MNS1: variants seen among roughly 807,000 people sequenced by gnomAD.
MNS1 encodes the protein meiosis specific nuclear structural 1.
In MNS1, 63 loss-of-function variants were observed where a neutral mutation model predicts 72.0. The ratio of observed to expected loss-of-function variants is 0.87; its 90% confidence interval spans 0.71 to 1.08. The LOEUF (loss-of-function observed/expected upper bound fraction) is 1.08. Ranked by LOEUF, MNS1 falls within the 50% of genes least tolerant of loss-of-function variation. The pLI, the probability that MNS1 is intolerant of heterozygous loss-of-function variation, is 0.00. For missense variants in MNS1, 604 were observed against 562.4 expected (o/e 1.07, Z -0.75); for synonymous variants, 188 against 172.1 (o/e 1.09, Z -0.72).
In MNS1 at chr15:56,428,811, G is replaced by A. The variant is rs980996780; in HGVS notation, c.*290C>T. The A allele has an allele frequency of 2.8e-6, 1 of 359,476 alleles. No individual in the cohort carries two copies. The highest frequency in any genetic ancestry group is 5.0e-6 in the Non-Finnish European group (1 of 200,954). The allele number at this position is 359,476 out of a possible 1,614,324, so 22.3% of individuals were successfully genotyped here. ...ACAGACAGAAGGCAGTTCACTTTGG[G>A]GTAGAGTTCTGTATTAGTCAAGGTA... On this transcript the variant is annotated 3_prime_UTR_variant, in exon 10 of 10. Coordinates refer to ENST00000260453, the MANE Select transcript of MNS1 (RefSeq NM_018365.4).
At chr15:56,434,600 C>T (rs188657729) in intron 7 of MNS1, among the ~76,000 whole-genome samples, 1 of 152,174 alleles carries the variant, frequency 6.6e-6, no homozygotes, top group East Asian at 1.9e-4. Context: ...TTTTCTGTTA[C>T]TCATGAACAA....
chr15:56,431,504 A>T lies in MNS1; in HGVS notation c.1270-6T>A. 1 of 1,613,394 alleles carries T rather than the reference A, an allele frequency of 6.2e-7. No individual in the cohort carries two copies. Among genetic ancestry groups the T allele is most frequent in the Non-Finnish European group, 8.5e-7 (1 of 1,179,840 alleles). Reference sequence around the variant, plus strand: ...CACTCTTCTAGTTCACGTTGCTGGAAATGCAGATCAAATTTTGTTATCACA... The same window carrying T: ...CACTCTTCTAGTTCACGTTGCTGGATATGCAGATCAAATTTTGTTATCACA... On this transcript the variant is annotated splice_polypyrimidine_tract_variant and splice_region_variant and intron_variant, in intron 8 of 9. Coordinates refer to ENST00000260453, the MANE Select transcript of MNS1 (RefSeq NM_018365.4).
chr15:56,456,167 G>C (rs1331264703), intron 3 of MNS1, among the ~76,000 whole-genome samples: 3 of 152,104 alleles, frequency 2.0e-5, no homozygotes, highest in Non-Finnish European at 4.4e-5. Flanking sequence ...AAAGGAAAGA[G>C]CAGGGGGACT....
Position 56,465,115 on chromosome 15 carries a change from G to C in MNS1, c.-143C>G. On this transcript the variant is annotated 5_prime_UTR_variant, in exon 1 of 10. Coordinates refer to ENST00000260453, the MANE Select transcript of MNS1 (RefSeq NM_018365.4). ...GGCGTCTTGGCAACGGTGGAGCTGC[G>C]CGCCCTCCGCTCGACCAAAAGTGAC... 1 of 1,103,738 alleles carries C rather than the reference G, an allele frequency of 9.1e-7. No individual in the cohort carries two copies. The highest frequency in any genetic ancestry group is 2.4e-5 in the East Asian group (1 of 41,438). 68.4% of individuals were successfully genotyped at this position (1,103,738 alleles called of 1,614,324 possible).
At chr15:56,437,656 G>C (rs1160789034) in intron 7 of MNS1, among the ~76,000 whole-genome samples, 1 of 152,114 alleles carries the variant, frequency 6.6e-6, no homozygotes, top group Non-Finnish European at 1.5e-5. Context: ...TATTCAATTA[G>C]GAAAAGAGGA....
At chr15:56,446,790 T>C (rs774770819) in intron 4 of MNS1, 51 bp downstream of exon 4, 2 of 1,380,168 alleles carry the variant, frequency 1.4e-6, no homozygotes, top group South Asian at 1.3e-5. Flanking sequence ...ACAAGTCTAA[T>C]TTTTATTTTC....
intron 5 of MNS1, 89 bp downstream of exon 5, chr15:56,444,355 C>T (rs2050870793): frequency 2.7e-6 from 3 of 1,102,986 alleles, no homozygotes; most frequent in Non-Finnish European, 3.8e-6. Flanking sequence ...GTATTAGGCA[C>T]TGTTCTAGGT....
intron 9 of MNS1, chr15:56,429,883 T>A (rs979207227): frequency 3.3e-5 from 5 of 152,194 alleles, no homozygotes; most frequent in Non-Finnish European, 7.4e-5. Flanking sequence ...CCACAATTAT[T>A]TCCTCTACAA....
intron 3 of MNS1, among the ~76,000 whole-genome samples, chr15:56,454,640 T>G (rs2050969707): frequency 6.6e-6 from 1 of 152,168 alleles, no homozygotes; most frequent in Admixed American, 6.5e-5. Context: ...AAAGTACTGT[T>G]TTCATTACTT....
intron 7 of MNS1, among the ~76,000 whole-genome samples, chr15:56,435,044 T>A (rs1292784882): frequency 1.3e-5 from 2 of 152,110 alleles, no homozygotes; most frequent in Non-Finnish European, 2.9e-5. Context: ...GGTCACTCAC[T>A]TCTAAATAAT....
chr15:56,464,704 A>G (rs977626838), intron 1 of MNS1, among the ~76,000 whole-genome samples: 19 of 152,150 alleles, frequency 1.2e-4, no homozygotes, highest in Non-Finnish European at 2.6e-4. Flanking sequence ...GCTTTCTCCT[A>G]CACTTTTATA....
chr15:56,430,886 T>C (rs1354103535), intron 9 of MNS1, among the ~76,000 whole-genome samples: 1 of 152,156 alleles, frequency 6.6e-6, no homozygotes, highest in Non-Finnish European at 1.5e-5. Flanking sequence ...AAATACAAAC[T>C]CAGGCCAGGT....
intron 3 of MNS1, among the ~76,000 whole-genome samples, chr15:56,451,545 C>T (rs1395569700): frequency 2.0e-5 from 3 of 152,170 alleles, no homozygotes; most frequent in Non-Finnish European, 4.4e-5. Context: ...GAGCTGCCTA[C>T]TCTGCTATTT....
chr15:56,465,053 G>A lies in MNS1; in HGVS notation c.-81C>T, dbSNP rs12148572. ...CAAACGCAGCAGCCAGCAGCCCCAA[G>A]GAGCGCACCTGGCTGCGCGCGCTCG... On this transcript the variant is annotated 5_prime_UTR_variant, in exon 1 of 10. Transcript: ENST00000260453. 3 of 1,568,286 alleles carry A rather than the reference G, an allele frequency of 1.9e-6. No individual in the cohort carries two copies. Among genetic ancestry groups the A allele is most frequent in the African/African-American group, 2.8e-5 (2 of 72,610 alleles).
chr15:56,428,995 C>T lies in MNS1; in HGVS notation c.*106G>A. 1.7e-6 allele frequency: 1 copy of T among 594,044 alleles called. No individual in the cohort carries two copies. Among genetic ancestry groups the T allele is most frequent in the Non-Finnish European group, 2.8e-6 (1 of 352,616 alleles). 36.8% of individuals were successfully genotyped at this position (594,044 alleles called of 1,614,324 possible). A position where few individuals can be genotyped will look rare whatever the true frequency, so the allele number is the denominator to read the frequency against. On this transcript the variant is annotated 3_prime_UTR_variant, in exon 10 of 10. Transcript: ENST00000260453. Reference sequence around the variant, plus strand: ...AAATTCAGTGATGATTTACAAAATCCAAACAGACAATGGATACCTAATGCC... The same window carrying T: ...AAATTCAGTGATGATTTACAAAATCTAAACAGACAATGGATACCTAATGCC...
intron 7 of MNS1, among the ~76,000 whole-genome samples, chr15:56,437,162 A>G (rs546908190): frequency 5.6e-4 from 86 of 152,308 alleles, no homozygotes; most frequent in Admixed American, 1.4e-3. Context: ...ACACCACAAA[A>G]AAAAGAGAAT....
At chr15:56,446,801 T>C in intron 4 of MNS1, 40 bp downstream of exon 4, 2 of 1,439,014 alleles carry the variant, frequency 1.4e-6, no homozygotes, top group African/African-American at 1.4e-5. Flanking sequence ...TTTTATTTTC[T>C]AAATGAAGCT....
chr15:56,437,288 C>T (rs1416271417), intron 7 of MNS1, among the ~76,000 whole-genome samples: 1 of 152,160 alleles, frequency 6.6e-6, no homozygotes, highest in Non-Finnish European at 1.5e-5. Flanking sequence ...GGCTTCATCC[C>T]TGGAAGGCAA....
In MNS1 at chr15:56,444,538, GTTC is replaced by G. The variant is rs777897587; in HGVS notation, c.589_591del (p.Glu197del). The G allele has an allele frequency of 3.6e-5, 57 of 1,601,328 alleles. No homozygotes were observed. The highest frequency in any genetic ancestry group is 4.7e-5 in the Non-Finnish European group (55 of 1,175,854). On this transcript the variant is annotated inframe_deletion, in exon 5 of 10. Coordinates refer to ENST00000260453, the MANE Select transcript of MNS1 (RefSeq NM_018365.4). Reference sequence around the variant, plus strand: ...TAAGCTTCCTGCTTTTTTTTTTCTTGTTCTTCAAGTTGTTTCTCTAAGTCAAGA... The same window carrying G: ...TAAGCTTCCTGCTTTTTTTTTTCTTGTTCAAGTTGTTTCTCTAAGTCAAGA...
Sources: gnomAD v4.1 joint callset for allele counts (sites outside exome capture counted in the v4.1 genomes callset) on GRCh38, gnomAD v4.1.1 for gene constraint, MANE v1.5 for transcripts, NCBI Gene and HGNC (gene_info 2026-07-23, HGNC 2026-07-21) for gene names.